The following PCDHA6 variants were observed in gnomAD, a reference collection of about 807,000 sequenced individuals.
PCDHA6 encodes protocadherin alpha-6.
A neutral mutation model predicts 60.3 loss-of-function variants in PCDHA6; 55 were observed. The ratio of observed to expected loss-of-function variants is 0.91; its 90% CI spans 0.73 to 1.14. PCDHA6 has a LOEUF of 1.14. Ranked by LOEUF, PCDHA6 falls within the 50% of genes most tolerant of loss-of-function variation. The pLI, the probability that PCDHA6 is intolerant of heterozygous loss-of-function variation, is 0.00. For synonymous variants in PCDHA6, 652 were observed against 557.9 expected (o/e 1.17, Z -2.38); for missense variants, 1,327 against 1,256.5 (o/e 1.06, Z -0.85).
intron 1 of PCDHA6, chr5:140,857,587 C>T: frequency 1.3e-6 from 2 of 1,596,526 alleles, no homozygotes; most frequent in South Asian, 2.2e-5. Context: ...ACGCGGAGAG[C>T]GGCAAGGTGT....
At chr5:140,851,091 G>C in intron 1 of PCDHA6, 1 of 1,292,680 alleles carries the variant, frequency 7.7e-7, no homozygotes, top group Non-Finnish European at 1.0e-6. Flanking sequence ...ATATTAAATA[G>C]ATATTTTTTG....
chr5:140,918,517 G>A (rs2078735105), intron 1 of PCDHA6, among the ~76,000 whole-genome samples: 1 of 152,134 alleles, frequency 6.6e-6, no homozygotes, highest in South Asian at 2.1e-4. Flanking sequence ...TAAACTTATT[G>A]AGGATTGTTT....
intron 1 of PCDHA6, among the ~76,000 whole-genome samples, chr5:140,923,261 A>C (rs570487869): frequency 6.6e-6 from 1 of 152,322 alleles, no homozygotes; most frequent in East Asian, 1.9e-4. Flanking sequence ...CAACATAGTG[A>C]GACCTTGTCT....
At chr5:140,955,102 C>A (rs2095137498) in intron 1 of PCDHA6, among the ~76,000 whole-genome samples, 1 of 151,988 alleles carries the variant, frequency 6.6e-6, no homozygotes, top group Admixed American at 6.6e-5. Context: ...GGTGTTATTT[C>A]TGAGTTCTCT....
At chr5:140,932,375 G>A (rs192897336) in intron 1 of PCDHA6, among the ~76,000 whole-genome samples, 31 of 151,942 alleles carry the variant, frequency 2.0e-4, no homozygotes, top group Non-Finnish European at 3.0e-5. Context: ...ATTTCCACAT[G>A]AAAGTTATAC....
At chr5:140,836,229 G>A in intron 1 of PCDHA6, 1 of 1,613,818 alleles carries the variant, frequency 6.2e-7, no homozygotes. Context: ...ACCGGTGGCG[G>A]CCGGTGCGAG....
At chr5:140,938,709 T>C (rs1473474040) in intron 1 of PCDHA6, among the ~76,000 whole-genome samples, 2 of 152,176 alleles carry the variant, frequency 1.3e-5, no homozygotes, top group African/African-American at 2.4e-5. Context: ...ATGTTTATGA[T>C]AGAAACGCGT....
At chr5:140,938,878 C>T (rs1324581693) in intron 1 of PCDHA6, among the ~76,000 whole-genome samples, 3 of 151,098 alleles carry the variant, frequency 2.0e-5, no homozygotes, top group Admixed American at 1.3e-4. Context: ...TAAGAAGCAA[C>T]ACACACACAC....
At chr5:140,928,994 T>G (rs781964406) in intron 1 of PCDHA6, 2 of 1,613,992 alleles carry the variant, frequency 1.2e-6, no homozygotes, top group Admixed American at 3.3e-5. Flanking sequence ...TGCTTACTTT[T>G]CTTCGTGTGT....
intron 2 of PCDHA6, among the ~76,000 whole-genome samples, chr5:140,980,460 T>G (rs1554241839): frequency 6.6e-6 from 1 of 152,134 alleles, no homozygotes; most frequent in Non-Finnish European, 1.5e-5. Flanking sequence ...TGAAACCCTG[T>G]CTCTACTAAA....
intron 3 of PCDHA6, among the ~76,000 whole-genome samples, chr5:141,000,361 GTCTCTC>G (rs148596731): frequency 0.13 from 3,495 of 26,124 alleles, 319 homozygotes; most frequent in Middle Eastern, 0.15. Context: ...GTCTCTCTCT[GTCTCTC>G]TCTCTCTCTC....
intron 1 of PCDHA6, among the ~76,000 whole-genome samples, chr5:140,905,327 TG>T (rs2071747762): frequency 6.6e-6 from 1 of 152,202 alleles, no homozygotes; most frequent in Non-Finnish European, 1.5e-5. Context: ...TATGCTTTGT[TG>T]AAGATCAGTT....
At chr5:140,880,857 A>G (rs1296520788) in intron 1 of PCDHA6, among the ~76,000 whole-genome samples, 1 of 152,234 alleles carries the variant, frequency 6.6e-6, no homozygotes, top group African/African-American at 2.4e-5. Flanking sequence ...ATGTAGTCTA[A>G]TTATGTGAAG....
intron 1 of PCDHA6, among the ~76,000 whole-genome samples, chr5:140,950,045 A>G (rs1293026782): frequency 1.3e-5 from 2 of 151,934 alleles, no homozygotes; most frequent in Non-Finnish European, 2.9e-5. Context: ...ACAACCATAT[A>G]AGACTATTTA....
rs2150361079 is a variant in PCDHA6, at chr5:140,843,485, C to G, written c.2394+13000C>G. On this transcript the variant is annotated intron_variant, in intron 1 of 3. Transcript: ENST00000529310. The stretch of plus-strand genomic sequence containing the variant: ...CACGCTGCTGCTGTACACTGCGCTG[C>G]GGTGCTCAGCACTGCCCACTGAGGG... The G allele has an allele frequency of 5.6e-6, 9 of 1,595,872 alleles. No homozygotes were observed. The African/African-American group carries it at 1.1e-4, about 19-fold the overall frequency.
intron 1 of PCDHA6, among the ~76,000 whole-genome samples, chr5:140,905,031 T>G (rs2071545933): frequency 6.6e-6 from 1 of 152,228 alleles, no homozygotes. Flanking sequence ...GCAGAAGCTT[T>G]TTAGTTTAAT....
At chr5:140,899,251 G>A (rs1322090098) in intron 1 of PCDHA6, among the ~76,000 whole-genome samples, 1 of 152,082 alleles carries the variant, frequency 6.6e-6, no homozygotes, top group Non-Finnish European at 1.5e-5. Flanking sequence ...GTGAGAGAGG[G>A]CATCCCTGTC....
chr5:140,852,761 C>T (rs17119246), intron 1 of PCDHA6: 72,639 of 982,874 alleles, frequency 0.074, 8,920 homozygotes, highest in African/African-American at 0.25. Flanking sequence ...ACCCAGGTAT[C>T]TGATTATTTG....
At chr5:140,987,938 C>G (rs2153869339) in intron 3 of PCDHA6, among the ~76,000 whole-genome samples, 1 of 152,208 alleles carries the variant, frequency 6.6e-6, no homozygotes, top group East Asian at 1.9e-4. Context: ...AGGATTCTTA[C>G]CTGTCTGACA....
Sources: allele counts gnomAD v4.1 joint callset (sites outside exome capture counted in the v4.1 genomes callset), GRCh38; gene constraint gnomAD v4.1.1; transcripts MANE v1.5; gene names NCBI Gene and HGNC (gene_info 2026-07-23, HGNC 2026-07-21).